Variants in UMODL1 observed in about 807,000 individuals in gnomAD.
UMODL1 encodes uromodulin-like 1.
A neutral mutation model predicts 136.3 loss-of-function variants in UMODL1; 128 were observed. The ratio of observed to expected loss-of-function variants is 0.94; its 90% CI spans 0.81 to 1.09. UMODL1 has a LOEUF of 1.09. UMODL1 is among the 50% of genes least tolerant of loss of function. UMODL1 has a pLI of 0.00. For missense variants in UMODL1, 1,766 were observed against 1,725.6 expected (o/e 1.02, Z -0.41); for synonymous variants, 721 against 720.0 (o/e 1.00, Z -0.02).
intron 9 of UMODL1, chr21:42,108,164 G>A (rs941065439): frequency 2.7e-5 from 11 of 400,930 alleles, no homozygotes; most frequent in Admixed American, 1.4e-4. Flanking sequence ...GAATCACCAC[G>A]CCCCAAAATA....
chr21:42,080,084 G>A lies in UMODL1; in HGVS notation c.319+3837G>A, dbSNP rs947919009. Among the ~76,000 whole-genome samples the A allele has an allele frequency of 1.3e-4, 20 of 152,338 alleles. No homozygotes were observed. In the East Asian group the frequency reaches 1.9e-3, roughly 15 times the overall value. ...GACACCATGCTGGTGGTGTGAAGGCGCCTGTGGTGGGCGGATTTACACCCC... is the reference window on the plus strand; with the variant it reads ...GACACCATGCTGGTGGTGTGAAGGCACCTGTGGTGGGCGGATTTACACCCC... On this transcript the variant is annotated intron_variant, in intron 2 of 22. Coordinates refer to ENST00000408910, the MANE Select transcript of UMODL1 (RefSeq NM_001004416.3).
At chr21:42,116,348 T>C (rs888010226) in intron 14 of UMODL1, among the ~76,000 whole-genome samples, 2 of 149,162 alleles carry the variant, frequency 1.3e-5, no homozygotes, top group African/African-American at 5.0e-5. Flanking sequence ...AGTGAAACCC[T>C]GTGGGAAAAA....
intron 20 of UMODL1, among the ~76,000 whole-genome samples, chr21:42,128,533 G>A (rs1480613871): frequency 2.6e-5 from 4 of 152,208 alleles, no homozygotes; most frequent in Admixed American, 6.5e-5. Context: ...AGCTCTGAGC[G>A]TCTGCAGGAC....
rs574398717 is a variant in UMODL1 at position 42,088,586 on chromosome 21, G to A, written c.790+106G>A. ...CCAGACCAGTCCTTTGTCTTTTAAAGGAGGTTTAAGTTCAGGAGCAAAAGA... is the reference window on the plus strand; with the variant it reads ...CCAGACCAGTCCTTTGTCTTTTAAAAGAGGTTTAAGTTCAGGAGCAAAAGA... On this transcript the variant is annotated intron_variant, in intron 5 of 22. Coordinates refer to ENST00000408910, the MANE Select transcript of UMODL1 (RefSeq NM_001004416.3). 8.7e-5 allele frequency: 106 copies of A among 1,211,772 alleles called. 2 individuals are homozygous for A. The South Asian group carries it at 1.5e-3, about 17-fold the overall frequency. The allele number at this position is 1,211,772 out of a possible 1,614,324, so 75.1% of individuals were successfully genotyped here.
chr21:42,110,002 G>C (rs983190632), intron 10 of UMODL1, among the ~76,000 whole-genome samples: 30 of 152,328 alleles, frequency 2.0e-4, no homozygotes, highest in Non-Finnish European at 3.7e-4. Flanking sequence ...TGAAGGCCAA[G>C]TTCCTTGGGC....
At chr21:42,125,492 C>T (rs902197593) in intron 17 of UMODL1, among the ~76,000 whole-genome samples, 5 of 152,202 alleles carry the variant, frequency 3.3e-5, no homozygotes, top group African/African-American at 1.2e-4. Flanking sequence ...AAGGAGTAAC[C>T]TGCACTGTTT....
intron 7 of UMODL1, among the ~76,000 whole-genome samples, chr21:42,101,448 C>A (rs2066631161): frequency 6.6e-6 from 1 of 152,156 alleles, no homozygotes; most frequent in African/African-American, 2.4e-5. Flanking sequence ...ACTCTGATGG[C>A]CCGTAGCTTG....
rs1031669639 is a variant in UMODL1 at position 42,142,285 on chromosome 21, G to A, written c.*211G>A. ...CCCAGAAAGGAAGACAGCAGCCACC[G>A]TCTGTCCCGAAGAGGCAGGCCGTCC... On this transcript the variant is annotated 3_prime_UTR_variant, in exon 23 of 23. Transcript: ENST00000408910. 6.6e-5 allele frequency: 10 copies of A among 152,334 alleles called. No homozygotes were observed. Among genetic ancestry groups the A allele is most frequent in the Non-Finnish European group, 1.0e-4 (7 of 68,142 alleles). The allele number at this position is 152,334 out of a possible 1,614,324, so 9.4% of individuals were successfully genotyped here. A position where few individuals can be genotyped will look rare whatever the true frequency, so the allele number is the denominator to read the frequency against.
At chr21:42,067,006 G>A (rs1365376028), upstream of UMODL1, among the ~76,000 whole-genome samples, 9 of 140,936 alleles carry the variant, frequency 6.4e-5, no homozygotes, top group Admixed American at 4.5e-4. Flanking sequence ...ATGGAGTCTC[G>A]CTCTGTCCTC....
intron 15 of UMODL1, 187 bp from the exon 16 acceptor site, chr21:42,120,900 T>A: frequency 3.1e-6 from 2 of 640,844 alleles, no homozygotes; most frequent in South Asian, 4.6e-5. Context: ...GCAGACATAC[T>A]TAGCCATTCC....
chr21:42,096,618 C>G (rs761688268), intron 6 of UMODL1, among the ~76,000 whole-genome samples: 3 of 152,224 alleles, frequency 2.0e-5, no homozygotes, highest in Non-Finnish European at 4.4e-5. Context: ...GGTGGGCCAT[C>G]TGTTGTCCCA....
At chr21:42,140,562 T>A (rs937934556) in intron 22 of UMODL1, among the ~76,000 whole-genome samples, 1 of 152,204 alleles carries the variant, frequency 6.6e-6, no homozygotes, top group Non-Finnish European at 1.5e-5. Flanking sequence ...ACATGACTGA[T>A]GGACCCTTAG....
At chr21:42,092,802 T>C (rs2146455487) in intron 6 of UMODL1, among the ~76,000 whole-genome samples, 1 of 152,344 alleles carries the variant, frequency 6.6e-6, no homozygotes, top group South Asian at 2.1e-4. Flanking sequence ...CTGTGGGTAT[T>C]GCTTCGTTTA....
chr21:42,137,384 A>G (rs3819140), intron 21 of UMODL1, 55 bp from the exon 22 acceptor site: 290,014 of 1,597,018 alleles, frequency 0.18, 27,499 homozygotes, highest in East Asian at 0.2. Flanking sequence ...GGCTTGCTCT[A>G]TCGCATTCCT....
At position 42,127,696 on chromosome 21, in the gene UMODL1, C is replaced by T. The variant is rs1389531243; in HGVS notation, c.3555C>T (p.Thr1185=). The T allele has an allele frequency of 2.0e-5, 33 of 1,614,070 alleles. No homozygotes were observed. The highest frequency in any genetic ancestry group is 2.8e-5 in the Non-Finnish European group (33 of 1,179,988). Residue 1185 remains threonine (T), a synonymous_variant, in exon 20 of 23, where the codon ACC becomes ACT. Coordinates refer to ENST00000408910, the MANE Select transcript of UMODL1 (RefSeq NM_001004416.3). The part of the protein sequence containing the change: ...NNSCPVPNTY[T]NVIENGNSNK... ...GCTGCCCTGTGCCCAACACATACAC[C>T]AACGTGATTGAGAACGGCAACTCCA...
At position 42,122,699 on chromosome 21, in the gene UMODL1, C is replaced by A; in HGVS notation, c.2828-132C>A. 1 of 839,182 alleles carries A rather than the reference C, an allele frequency of 1.2e-6. No homozygotes were observed. Among genetic ancestry groups the A allele is most frequent in the Admixed American group, 2.9e-5 (1 of 33,952 alleles). The allele number at this position is 839,182 out of a possible 1,614,324, so 52.0% of individuals were successfully genotyped here. ...TGTGTGTGCACGTGTGTAGTTGTGGCTGGAACATGCGGTTCCCAGGTGTGG... is the reference window on the plus strand; with the variant it reads ...TGTGTGTGCACGTGTGTAGTTGTGGATGGAACATGCGGTTCCCAGGTGTGG... On this transcript the variant is annotated intron_variant, in intron 16 of 22. Transcript: ENST00000408910. This position sits in a 1 kb window ranked among gnomAD's most constrained non-coding sequence, Gnocchi z 4.3.
intron 5 of UMODL1, 75 bp from the exon 6 acceptor site, chr21:42,090,223 G>T (rs576890706): frequency 4.4e-6 from 7 of 1,591,384 alleles, no homozygotes; most frequent in Non-Finnish European, 6.0e-6. Flanking sequence ...CACAGAGGCC[G>T]TGTGTGTGCA....
intron 21 of UMODL1, among the ~76,000 whole-genome samples, chr21:42,130,537 G>A (rs1217070913): frequency 6.6e-6 from 1 of 152,090 alleles, no homozygotes; most frequent in African/African-American, 2.4e-5. Context: ...TAGAAATAGC[G>A]TCCCCAGGTT....
intron 9 of UMODL1, chr21:42,108,538 C>CCAG (rs2066757092): frequency 2.4e-5 from 9 of 379,310 alleles, no homozygotes; most frequent in African/African-American, 4.2e-5. Flanking sequence ...CAGAACTGAA[C>CCAG]TGGTCCTGCA....
Sources: allele counts gnomAD v4.1 joint callset (sites outside exome capture counted in the v4.1 genomes callset), GRCh38; gene constraint gnomAD v4.1.1; non-coding constraint Gnocchi (gnomAD v3.1); transcripts MANE v1.5; gene names NCBI Gene and HGNC (gene_info 2026-07-23, HGNC 2026-07-21).